RBM5: variants seen among roughly 807,000 people sequenced by gnomAD.
RBM5 encodes the protein RNA-binding protein 5.
A neutral mutation model predicts 124.6 loss-of-function variants in RBM5; 15 were observed. The observed-to-expected ratio is 0.12, with a 90% confidence interval of 0.08 to 0.19. The LOEUF is 0.19. RBM5 is among the 10% of genes least tolerant of loss of function. RBM5 has a pLI of 1.00. For missense variants in RBM5, 580 were observed against 1,026.5 expected, an observed-to-expected ratio of 0.57 and a Z score of 5.94; for synonymous variants, 337 against 361.2, an observed-to-expected ratio of 0.93 and a Z score of 0.76.
At position 50,117,482 on chromosome 3, in the gene RBM5, C is replaced by G; in HGVS notation, c.2322+103C>G. 1 of 1,511,706 alleles carries G rather than the reference C, an allele frequency of 6.6e-7. No individual in the cohort carries two copies. Among genetic ancestry groups the G allele is most frequent in the South Asian group, 1.2e-5 (1 of 81,238 alleles). 93.6% of individuals were successfully genotyped at this position (1,511,706 alleles called of 1,614,324 possible). On this transcript the variant is annotated intron_variant, in intron 24 of 24. Transcript: ENST00000347869. This position sits in a 1 kb window ranked among gnomAD's most constrained non-coding sequence, Gnocchi z 4.2. The stretch of plus-strand genomic sequence containing the variant: ...GCCTGGGAGCCAGGAGCAGCTTTAC[C>G]TTAGCATGAAGGGGCAGATTACAGG...
chr3:50,108,064 T>C lies in RBM5; in HGVS notation c.1042-6T>C, dbSNP rs975336257. On this transcript the variant is annotated splice_region_variant and splice_polypyrimidine_tract_variant and intron_variant, in intron 12 of 24. Coordinates refer to ENST00000347869, the MANE Select transcript of RBM5 (RefSeq NM_005778.4). The stretch of plus-strand genomic sequence containing the variant: ...TTTGTCTTTGTCTCATTTTGATGTT[T>C]TGTAGTCTCAAAGTGGTGAAGGAGG... 6.3e-7 allele frequency: 1 copy of C among 1,598,400 alleles called. No homozygotes were observed.
Position 50,107,577 on chromosome 3 carries a change from C to A in RBM5, c.1041+8C>A, listed in dbSNP as rs374315579. 5 of 1,584,950 alleles carry A rather than the reference C, an allele frequency of 3.2e-6. No individual in the cohort carries two copies. In the African/African-American group the frequency reaches 4.1e-5, roughly 13 times the overall value. ...CAGTGGTCATCCACCCAGGTAAGAT[C>A]GAGGATCTTTTTGCTCAAGGTAGTG... On this transcript the variant is annotated splice_region_variant and intron_variant, in intron 12 of 24. Coordinates refer to ENST00000347869, the MANE Select transcript of RBM5 (RefSeq NM_005778.4).
At position 50,110,477 on chromosome 3, in the gene RBM5, C is replaced by T. The variant is rs764312664; in HGVS notation, c.1363+14C>T. On this transcript the variant is annotated intron_variant, in intron 16 of 24. Coordinates refer to ENST00000347869, the MANE Select transcript of RBM5 (RefSeq NM_005778.4). ...GTACCAAATATGGTAAGCCAAACCT[C>T]ATGGGGCTGTTGACAGTTGGAAGGT... 4 of 1,607,766 alleles carry T rather than the reference C, an allele frequency of 2.5e-6. No individual in the cohort carries two copies. The highest frequency in any genetic ancestry group is 4.5e-5 in the East Asian group (2 of 44,848).
intron 16 of RBM5, 29 bp from the exon 17 acceptor site, chr3:50,110,650 T>C: frequency 6.3e-7 from 1 of 1,576,940 alleles, no homozygotes; most frequent in Non-Finnish European, 8.7e-7. Flanking sequence ...TTACCTGGAA[T>C]GACTGTATGC....
At chr3:50,108,509 C>A (rs892487045) in intron 14 of RBM5, among the ~76,000 whole-genome samples, 2 of 152,058 alleles carry the variant, frequency 1.3e-5, no homozygotes, top group Non-Finnish European at 2.9e-5. Flanking sequence ...GAGTTCAAGA[C>A]CAGCCTGGCC....
At position 50,107,672 on chromosome 3, in the gene RBM5, CTTTTTTTTTTTT is replaced by C. The variant is rs71080575; in HGVS notation, c.1041+123_1041+134del. 768 of 104,856 alleles carry C rather than the reference CTTTTTTTTTTTT, an allele frequency of 7.3e-3. 2 individuals are homozygous for C. The highest frequency in any genetic ancestry group is 0.016 in the African/African-American group (270 of 16,828). The allele number at this position is 104,856 out of a possible 1,614,324, so 6.5% of individuals were successfully genotyped here. A position where few individuals can be genotyped will look rare whatever the true frequency, so the allele number is the denominator to read the frequency against. On this transcript the variant is annotated intron_variant, in intron 12 of 24. Coordinates refer to ENST00000347869, the MANE Select transcript of RBM5 (RefSeq NM_005778.4). Reference sequence around the variant, plus strand: ...CTCGCAGTATGAGCTCTTTTCTTTTCTTTTTTTTTTTTTTTTTTTTTTTTTTTTTTTGAGACA... The same window carrying C: ...CTCGCAGTATGAGCTCTTTTCTTTTCTTTTTTTTTTTTTTTTTTTGAGACA...
At chr3:50,113,903 A>C in intron 18 of RBM5, 47 bp from the exon 19 acceptor site, 1 of 1,598,424 alleles carries the variant, frequency 6.3e-7, no homozygotes, top group Non-Finnish European at 8.5e-7. Flanking sequence ...TTCTCATGGC[A>C]CAGGGGATTA....
intron 17 of RBM5, 99 bp from the exon 18 acceptor site, chr3:50,113,284 C>CTAG (rs1435330083): frequency 1.6e-5 from 20 of 1,266,998 alleles, no homozygotes; most frequent in Non-Finnish European, 2.2e-5. Flanking sequence ...GGAAATATCA[C>CTAG]TAGTCCACAA....
At chr3:50,114,690 GAAAC>G (rs1559697438) in intron 20 of RBM5, 1 of 160,380 alleles carries the variant, frequency 6.2e-6, no homozygotes, top group African/African-American at 2.4e-5. Flanking sequence ...CTGAAAATTA[GAAAC>G]AAATTAGTTG....
intron 1 of RBM5, chr3:50,090,017 A>T (rs183754942): frequency 1.2e-5 from 2 of 173,492 alleles, no homozygotes; most frequent in Admixed American, 1.1e-4. Flanking sequence ...TTTAACGGTC[A>T]ACTATCCCAC....
At chr3:50,118,307 C>T (rs748846165) in intron 24 of RBM5, 24 bp from the exon 25 acceptor site, 3 of 1,613,642 alleles carry the variant, frequency 1.9e-6, no homozygotes, top group Non-Finnish European at 1.7e-6. Context: ...TACCTCCCAG[C>T]TGACAGTCTC....
Position 50,114,106 on chromosome 3 carries a change from G to A in RBM5, c.1767+7G>A. 1.2e-6 allele frequency: 2 copies of A among 1,614,162 alleles called. No individual in the cohort carries two copies. ...TGCTCTCTTTGAGAAGAAGGTAATA[G>A]CAGGAATGGCCAGTATGTCATGATG... On this transcript the variant is annotated splice_region_variant and intron_variant, in intron 19 of 24. Transcript: ENST00000347869.
rs1218891492 is a variant in RBM5, at chr3:50,110,427, G to A, written c.1327G>A (p.Ala443Thr). The A allele has an allele frequency of 6.2e-7, 1 of 1,614,130 alleles. No individual in the cohort carries two copies. Among genetic ancestry groups the A allele is most frequent in the Non-Finnish European group, 8.5e-7 (1 of 1,179,990 alleles). ...TAGCACAAGTACACAGGCCCCAGCC[G>A]CTTCCCCTACTGGTGTAGTTCCTGG... ...STSTSTQAPA[A>T]SPTGVVPGTK... Residue 443 changes from alanine (A) to threonine (T), a missense_variant, in exon 16 of 25, where the codon GCT (alanine) becomes ACT (threonine). By Grantham distance (58) the Ala-to-Thr change is moderately conservative. This residue lies in a region of RBM5 where 104 missense variants were observed against 128.7 expected (regional missense o/e 0.81). Transcript: ENST00000347869.
chr3:50,103,003 T>A (rs2090969771), intron 6 of RBM5, 80 bp from the exon 7 acceptor site: 1 of 1,150,240 alleles, frequency 8.7e-7, no homozygotes, highest in Admixed American at 1.8e-5. Flanking sequence ...AGCACTGATT[T>A]TTCCGAAGTG....
intron 14 of RBM5, among the ~76,000 whole-genome samples, chr3:50,108,755 T>C (rs2091087234): frequency 6.6e-6 from 1 of 152,314 alleles, no homozygotes; most frequent in South Asian, 2.1e-4. Flanking sequence ...GCTGTCATCA[T>C]GTACCCAAGG....
At chr3:50,105,744 A>G in intron 10 of RBM5, 35 bp downstream of exon 10, 1 of 1,606,600 alleles carries the variant, frequency 6.2e-7, no homozygotes, top group Non-Finnish European at 8.5e-7. Context: ...TTTTTAAAAG[A>G]AACAGCTTTA....
At chr3:50,107,663 T>G in intron 12 of RBM5, 94 bp downstream of exon 12, 1 of 523,840 alleles carries the variant, frequency 1.9e-6, no homozygotes, top group Non-Finnish European at 3.2e-6. Context: ...GTATGAGCTC[T>G]TTTCTTTTCT....
At chr3:50,113,921 T>C (rs1287814047) in intron 18 of RBM5, 29 bp from the exon 19 acceptor site, 1 of 1,605,412 alleles carries the variant, frequency 6.2e-7, no homozygotes, top group Non-Finnish European at 8.5e-7. Context: ...TTAAATATTT[T>C]TTTGTTGGTG....
At position 50,100,708 on chromosome 3, in the gene RBM5, T is replaced by C; in HGVS notation, c.483+103T>C. On this transcript the variant is annotated intron_variant, in intron 6 of 24. Coordinates refer to ENST00000347869, the MANE Select transcript of RBM5 (RefSeq NM_005778.4). This position sits in a 1 kb window ranked among gnomAD's most constrained non-coding sequence, Gnocchi z 5.1. ...GGTTTGTTCCAAAGGAGTGACTTTT[T>C]TTTAAAAAAAAAGCTTTGTATATAT... The C allele has an allele frequency of 2.2e-6, 2 of 895,548 alleles. No individual in the cohort carries two copies. The highest frequency in any genetic ancestry group is 2.6e-5 in the East Asian group (1 of 37,972). 55.5% of individuals were successfully genotyped at this position (895,548 alleles called of 1,614,324 possible). A position where few individuals can be genotyped will look rare whatever the true frequency, so the allele number is the denominator to read the frequency against.
Sources: gnomAD v4.1 joint callset for allele counts (sites outside exome capture counted in the v4.1 genomes callset) on GRCh38, gnomAD v4.1.1 for gene constraint, gnomAD v4.1.1 regional missense constraint, Gnocchi (gnomAD v3.1) non-coding constraint, MANE v1.5 for transcripts, NCBI Gene and HGNC (gene_info 2026-07-23, HGNC 2026-07-21) for gene names.